NPAS3: variants seen among roughly 807,000 people sequenced by gnomAD.
NPAS3 encodes the protein neuronal PAS domain protein 3, also known as neuronal PAS domain-containing protein 3.
A neutral mutation model predicts 73.1 loss-of-function variants in NPAS3; 14 were observed. That is an observed-to-expected ratio of 0.19 (90% CI 0.13 to 0.30). NPAS3 has a LOEUF of 0.30. Among genes scored for constraint, NPAS3 ranks in the 10% least tolerant of loss-of-function variants. The probability of loss-of-function intolerance (pLI) is 1.00; values close to 1 mark genes in which losing one functional copy is unlikely to be tolerated. For synonymous variants in NPAS3, 620 were observed against 541.5 expected (o/e 1.14, Z -2.01); for missense variants, 1,096 against 1,250.0 (o/e 0.88, Z 1.86).
At chr14:32,977,594 T>C (rs962712442) in intron 1 of NPAS3, among the ~76,000 whole-genome samples, 1 of 152,060 alleles carries the variant, frequency 6.6e-6, no homozygotes, top group Non-Finnish European at 1.5e-5. Flanking sequence ...TAACTGGGCA[T>C]GGTGGTGTGC....
intron 3 of NPAS3, among the ~76,000 whole-genome samples, chr14:33,347,291 A>C (rs2140332275): frequency 6.6e-6 from 1 of 152,382 alleles, no homozygotes; most frequent in Middle Eastern, 3.4e-3. Flanking sequence ...TCAAAAGGTA[A>C]GGAAAAGAAC....
intron 2 of NPAS3, among the ~76,000 whole-genome samples, chr14:33,163,044 C>T (rs191307885): frequency 7.0e-4 from 107 of 152,324 alleles, no homozygotes; most frequent in African/African-American, 2.4e-3. Context: ...CAACCTGACT[C>T]ACCGACCACT....
rs568044607 is a variant in NPAS3, at chr14:33,552,987, G to C, written c.469-7134G>C. Among the ~76,000 whole-genome samples, 12 of 152,244 alleles carry C rather than the reference G, an allele frequency of 7.9e-5. No individual in the cohort carries two copies. The South Asian group carries it at 2.5e-3, about 32-fold the overall frequency. ...TATTTGTGCTCTAGAATAACTATTG[G>C]AATCCTCTCCTTGAGGCAAAAGGAG... On this transcript the variant is annotated intron_variant, in intron 4 of 11. Transcript: ENST00000356141.
intron 6 of NPAS3, among the ~76,000 whole-genome samples, chr14:33,729,611 A>G (rs1005235717): frequency 2.6e-5 from 4 of 152,142 alleles, no homozygotes; most frequent in African/African-American, 9.7e-5. Context: ...GTTAGTAGGA[A>G]GCCTCAGTTC....
At chr14:33,000,745 C>T (rs991309392) in intron 1 of NPAS3, among the ~76,000 whole-genome samples, 11 of 152,118 alleles carry the variant, frequency 7.2e-5, no homozygotes, top group African/African-American at 2.4e-4. Context: ...GATATTTGCA[C>T]AAGTGCTATG....
chr14:33,669,919 TTTTG>T (rs1333905010), intron 5 of NPAS3, among the ~76,000 whole-genome samples: 5 of 150,450 alleles, frequency 3.3e-5, no homozygotes, highest in East Asian at 3.9e-4. Context: ...TTTTGTTTGC[TTTTG>T]TTTGTTTTTG....
chr14:33,754,564 T>A (rs1316602360), intron 7 of NPAS3, among the ~76,000 whole-genome samples: 3 of 152,134 alleles, frequency 2.0e-5, no homozygotes, highest in African/African-American at 7.2e-5. Flanking sequence ...TTCAATGGAA[T>A]GTGCAGGCAA....
At chr14:33,754,669 C>G (rs952511080) in intron 7 of NPAS3, among the ~76,000 whole-genome samples, 11 of 152,212 alleles carry the variant, frequency 7.2e-5, no homozygotes. Context: ...TCTTAGAGAA[C>G]AGCACAGCAT....
chr14:33,099,042 T>C (rs2042506200), intron 2 of NPAS3, among the ~76,000 whole-genome samples: 2 of 152,118 alleles, frequency 1.3e-5, no homozygotes, highest in African/African-American at 2.4e-5. Context: ...GCGGCCTTTT[T>C]CCAAGTCACA....
At chr14:33,591,300 A>G (rs546485936) in intron 5 of NPAS3, among the ~76,000 whole-genome samples, 1 of 152,142 alleles carries the variant, frequency 6.6e-6, no homozygotes, top group Non-Finnish European at 1.5e-5. Flanking sequence ...CTGTCTGCCA[A>G]TGTCCATCAT....
intron 1 of NPAS3, among the ~76,000 whole-genome samples, chr14:33,026,166 A>G (rs1448979641): frequency 1.3e-5 from 2 of 152,198 alleles, no homozygotes; most frequent in Non-Finnish European, 2.9e-5. Context: ...TAAGATGACC[A>G]TTATTCCATG....
chr14:33,470,756 AG>A (rs2050743210), intron 4 of NPAS3, among the ~76,000 whole-genome samples: 1 of 152,154 alleles, frequency 6.6e-6, no homozygotes, highest in African/African-American at 2.4e-5. Flanking sequence ...GAACAATAGA[AG>A]TGAACTTTTA....
intron 4 of NPAS3, among the ~76,000 whole-genome samples, chr14:33,471,780 GTGACCCA>G (rs1169691643): frequency 2.0e-5 from 3 of 152,166 alleles, no homozygotes; most frequent in African/African-American, 7.2e-5. Flanking sequence ...GTACTGGTCC[GTGACCCA>G]TTAGGAACTG....
intron 1 of NPAS3, among the ~76,000 whole-genome samples, chr14:32,954,888 A>C (rs2036614387): frequency 6.6e-6 from 1 of 152,210 alleles, no homozygotes; most frequent in South Asian, 2.1e-4. Flanking sequence ...TTACATTAAA[A>C]GATGGTTATG....
chr14:33,049,111 T>C (rs1021748105), intron 1 of NPAS3, among the ~76,000 whole-genome samples: 3 of 152,166 alleles, frequency 2.0e-5, no homozygotes, highest in African/African-American at 7.2e-5. Context: ...TATAGAGCTA[T>C]AGAGTGTAGC....
chr14:33,746,217 C>T (rs1241879038), intron 7 of NPAS3, among the ~76,000 whole-genome samples: 6 of 142,634 alleles, frequency 4.2e-5, no homozygotes, highest in African/African-American at 1.7e-4. Context: ...GAGATGGAGT[C>T]TTTCTCTGTT....
chr14:33,647,243 A>G (rs561375133), intron 5 of NPAS3, among the ~76,000 whole-genome samples: 1 of 151,796 alleles, frequency 6.6e-6, no homozygotes, highest in South Asian at 2.1e-4. Context: ...AATTTCATAC[A>G]CTTACTCAGT....
At chr14:33,442,388 G>C (rs2049291692) in intron 4 of NPAS3, among the ~76,000 whole-genome samples, 1 of 150,288 alleles carries the variant, frequency 6.7e-6, no homozygotes, top group African/African-American at 2.5e-5. Flanking sequence ...AATCCAGCCT[G>C]GGCAACAGAG....
intron 3 of NPAS3, among the ~76,000 whole-genome samples, chr14:33,303,169 G>A (rs2042622021): frequency 6.6e-6 from 1 of 151,980 alleles, no homozygotes; most frequent in Admixed American, 6.6e-5. Context: ...AAATAGTGTG[G>A]TAAAATTTAG....
Sources: allele counts gnomAD v4.1 joint callset (sites outside exome capture counted in the v4.1 genomes callset), GRCh38; gene constraint gnomAD v4.1.1; transcripts MANE v1.5; gene names NCBI Gene and HGNC (gene_info 2026-07-23, HGNC 2026-07-21).